PIP5K1A: variants seen among roughly 807,000 people sequenced by gnomAD.
PIP5K1A encodes the protein phosphatidylinositol-4-phosphate 5-kinase type 1 alpha.
A neutral mutation model predicts 72.9 loss-of-function variants in PIP5K1A; 46 were observed. The ratio of observed to expected loss-of-function variants is 0.63; its 90% confidence interval spans 0.50 to 0.81. PIP5K1A has a LOEUF of 0.81. Among genes scored for constraint, PIP5K1A ranks in the 30% least tolerant of loss-of-function variants. PIP5K1A has a pLI of 0.00. For missense variants in PIP5K1A, 458 were observed against 706.1 expected (o/e 0.65, Z 3.98); for synonymous variants, 228 against 255.1 (o/e 0.89, Z 1.01).
intron 12 of PIP5K1A, 103 bp downstream of exon 12, chr1:151,240,142 G>C (rs1475161882): frequency 1.3e-6 from 1 of 791,082 alleles, no homozygotes; most frequent in Non-Finnish European, 2.2e-6. Context: ...GCCAATGCCA[G>C]AGGCCTCTCC....
rs192195891 is a variant in PIP5K1A, at chr1:151,229,528, A to G, written c.237+2128A>G. Reference sequence around the variant, plus strand: ...AGGCATGCACCACCATGCCTGGATAATTTTGTATTTTTAGTAGAGATAGGG... The same window carrying G: ...AGGCATGCACCACCATGCCTGGATAGTTTTGTATTTTTAGTAGAGATAGGG... On this transcript the variant is annotated intron_variant, in intron 4 of 15. Transcript: ENST00000368888. Among the ~76,000 whole-genome samples the G allele has an allele frequency of 4.5e-3, 675 of 151,262 alleles. 6 individuals carry two copies. The highest frequency in any genetic ancestry group is 0.015 in the African/African-American group (640 of 41,314).
chr1:151,212,723 C>T (rs955335529), intron 1 of PIP5K1A, among the ~76,000 whole-genome samples: 3 of 151,820 alleles, frequency 2.0e-5, no homozygotes, highest in Admixed American at 6.6e-5. Context: ...TACAGGCGCA[C>T]GCCACCACGC....
At chr1:151,244,512 C>T (rs1692211676) in intron 14 of PIP5K1A, among the ~76,000 whole-genome samples, 1 of 152,068 alleles carries the variant, frequency 6.6e-6, no homozygotes, top group Non-Finnish European at 1.5e-5. Flanking sequence ...AAAAATTAGC[C>T]AGGCGTGGTG....
intron 1 of PIP5K1A, among the ~76,000 whole-genome samples, chr1:151,220,509 C>T (rs1688269350): frequency 6.6e-6 from 1 of 152,102 alleles, no homozygotes; most frequent in African/African-American, 2.4e-5. Context: ...ACTCTTTCGC[C>T]CAGGCAGGAG....
rs587688812 is a variant in PIP5K1A at position 151,241,302 on chromosome 1, C to A, written c.1364-821C>A. Among the ~76,000 whole-genome samples, 27 of 152,182 alleles carry A rather than the reference C, an allele frequency of 1.8e-4. 2 individuals carry two copies. In the South Asian group the frequency reaches 5.6e-3, roughly 32 times the overall value. On this transcript the variant is annotated intron_variant, in intron 12 of 15. Coordinates refer to ENST00000368888, the MANE Select transcript of PIP5K1A (RefSeq NM_001135638.2). Reference sequence around the variant, plus strand: ...AGATCACAAGGTCCGGAGATTGAGACCATCCTGGCTAACACGGTGAAACCC... The same window carrying A: ...AGATCACAAGGTCCGGAGATTGAGAACATCCTGGCTAACACGGTGAAACCC...
chr1:151,206,290 T>C (rs1374013123), intron 1 of PIP5K1A, among the ~76,000 whole-genome samples: 1 of 152,140 alleles, frequency 6.6e-6, no homozygotes, highest in Non-Finnish European at 1.5e-5. Context: ...AAATCTCTCT[T>C]GTTGGAATCT....
At chr1:151,237,288 A>G (rs2101489256) in intron 9 of PIP5K1A, among the ~76,000 whole-genome samples, 1 of 152,324 alleles carries the variant, frequency 6.6e-6, no homozygotes, top group South Asian at 2.1e-4. Flanking sequence ...GGTTTATAGT[A>G]TATGTGGGAA....
chr1:151,244,180 A>C (rs977082238), intron 14 of PIP5K1A, among the ~76,000 whole-genome samples: 18 of 128,184 alleles, frequency 1.4e-4, no homozygotes, highest in Non-Finnish European at 2.1e-4. Context: ...AAAAATACTG[A>C]AAAAAAAAAA....
chr1:151,200,937 C>A (rs587642694), intron 1 of PIP5K1A, among the ~76,000 whole-genome samples: 1 of 152,228 alleles, frequency 6.6e-6, no homozygotes, highest in African/African-American at 2.4e-5. Context: ...TCACGCCATT[C>A]TTTTGCCTCA....
intron 14 of PIP5K1A, among the ~76,000 whole-genome samples, chr1:151,245,020 G>A (rs961528964): frequency 4.6e-5 from 7 of 150,694 alleles, no homozygotes; most frequent in Admixed American, 1.3e-4. Context: ...GCCTCCTGAA[G>A]TGAGCCACCG....
Position 151,225,506 on chromosome 1 carries a change from G to T in PIP5K1A, c.156+1100G>T, listed in dbSNP as rs188228517. Among the ~76,000 whole-genome samples the T allele has an allele frequency of 4.6e-3, 665 of 143,874 alleles. 6 individuals are homozygous for T. Among genetic ancestry groups the T allele is most frequent in the Middle Eastern group, 0.015 (4 of 268 alleles). 94.4% of individuals were successfully genotyped at this position (143,874 alleles called of 152,430 possible). On this transcript the variant is annotated intron_variant, in intron 3 of 15. Coordinates refer to ENST00000368888, the MANE Select transcript of PIP5K1A (RefSeq NM_001135638.2). ...TTTTTTTGAGATGAAGTCTTGCTCT[G>T]TTGCCCAGTATGGAGTACAGTGGCT...
At chr1:151,206,513 G>C (rs950933403) in intron 1 of PIP5K1A, among the ~76,000 whole-genome samples, 1 of 151,954 alleles carries the variant, frequency 6.6e-6, no homozygotes, top group South Asian at 2.1e-4. Context: ...TTTTGTTCTT[G>C]TTTGTTTGTT....
At chr1:151,196,134 T>C (rs890513361), upstream of PIP5K1A, among the ~76,000 whole-genome samples, 4 of 151,994 alleles carry the variant, frequency 2.6e-5, no homozygotes, top group South Asian at 2.1e-4. Flanking sequence ...CCTGACCTCG[T>C]GATCCGCCCG....
At chr1:151,196,919 G>A (rs1309836600), upstream of PIP5K1A, among the ~76,000 whole-genome samples, 2 of 144,306 alleles carry the variant, frequency 1.4e-5, no homozygotes, top group African/African-American at 5.2e-5. Context: ...GGAGTGCAAT[G>A]GCGCGATCTT....
Position 151,199,059 on chromosome 1 carries a change from C to A in PIP5K1A, c.63C>A (p.Val21=), listed in dbSNP as rs911138051. The change falls in exon 1 of 16, where the codon GTC becomes GTA. Residue 21 remains valine (V), a synonymous_variant. Coordinates refer to ENST00000368888, the MANE Select transcript of PIP5K1A (RefSeq NM_001135638.2). ...SVGFSSFDPA[V]PSCTLSSAAS... ...GTTTTTCATCCTTTGATCCCGCGGT[C>A]CCTTCCTGTACCTTGTCCTCAGGTA... 4 of 1,614,024 alleles carry A rather than the reference C, an allele frequency of 2.5e-6. No homozygotes were observed. The African/African-American group carries it at 5.3e-5, about 22-fold the overall frequency.
intron 1 of PIP5K1A, among the ~76,000 whole-genome samples, chr1:151,205,545 G>T (rs1029831687): frequency 2.0e-5 from 3 of 151,776 alleles, no homozygotes; most frequent in Admixed American, 2.0e-4. Flanking sequence ...GGTGACTCAC[G>T]CCTGTAATGC....
At chr1:151,229,198 A>G (rs1570925068) in intron 4 of PIP5K1A, among the ~76,000 whole-genome samples, 1 of 138,816 alleles carries the variant, frequency 7.2e-6, no homozygotes, top group Non-Finnish European at 1.6e-5. Flanking sequence ...AAAAAACAGG[A>G]AAGAAAGAAA....
At chr1:151,231,963 A>G (rs1340046941) in intron 5 of PIP5K1A, among the ~76,000 whole-genome samples, 162 bp downstream of exon 5, 1 of 152,170 alleles carries the variant, frequency 6.6e-6, no homozygotes, top group African/African-American at 2.4e-5. Flanking sequence ...GAGAGCAGAT[A>G]CTGTCCTCTA....
intron 1 of PIP5K1A, among the ~76,000 whole-genome samples, chr1:151,214,181 G>A (rs1413623676): frequency 3.3e-5 from 5 of 152,014 alleles, no homozygotes; most frequent in African/African-American, 4.8e-5. Context: ...TGTTCACTTA[G>A]ATTCTTTCCA....
Sources: gnomAD v4.1 joint callset for allele counts (sites outside exome capture counted in the v4.1 genomes callset) on GRCh38, gnomAD v4.1.1 for gene constraint, MANE v1.5 for transcripts, NCBI Gene and HGNC (gene_info 2026-07-23, HGNC 2026-07-21) for gene names.